RIMS2: variants seen among roughly 807,000 people sequenced by gnomAD.
RIMS2 encodes regulating synaptic membrane exocytosis protein 2.
Under a neutral mutation model 174.4 loss-of-function variants are expected in RIMS2, and 59 were observed. The observed-to-expected ratio is 0.34, with a 90% CI of 0.27 to 0.42. RIMS2 has a LOEUF of 0.42. Ranked by LOEUF, RIMS2 falls within the 10% of genes least tolerant of loss-of-function variation. RIMS2 has a pLI of 1.00. For synonymous variants in RIMS2, 606 were observed against 572.5 expected, an observed-to-expected ratio of 1.06 and a Z score of -0.84; for missense variants, 1,620 against 1,666.3, an observed-to-expected ratio of 0.97 and a Z score of 0.48.
At chr8:103,920,896 G>A (rs1429797865) in intron 9 of RIMS2, 2 of 332,184 alleles carry the variant, frequency 6.0e-6, no homozygotes, top group Non-Finnish European at 5.8e-6. Context: ...CTACTTGGGA[G>A]GCTGAGGCAG....
intron 9 of RIMS2, chr8:103,918,718 G>A: frequency 2.1e-6 from 1 of 479,608 alleles, no homozygotes; most frequent in Non-Finnish European, 3.8e-6. Flanking sequence ...TTTTTAGATA[G>A]CATTATTAAG....
intron 2 of RIMS2, among the ~76,000 whole-genome samples, chr8:103,761,661 G>C (rs2098114399): frequency 6.6e-6 from 1 of 152,198 alleles, no homozygotes; most frequent in Non-Finnish European, 1.5e-5. Flanking sequence ...GGAAAATGTA[G>C]TTTTCTAAGA....
intron 2 of RIMS2, among the ~76,000 whole-genome samples, chr8:103,710,318 C>T (rs2097288637): frequency 6.6e-6 from 1 of 152,070 alleles, no homozygotes; most frequent in South Asian, 2.1e-4. Context: ...TTTTGAGGCT[C>T]TTTCATGTGG....
intron 2 of RIMS2, among the ~76,000 whole-genome samples, chr8:103,701,344 TAAC>T (rs745394376): frequency 3.1e-4 from 47 of 152,258 alleles, no homozygotes; most frequent in African/African-American, 9.1e-4. Context: ...GTGATAATGA[TAAC>T]AACTGTACAA....
At chr8:103,955,798 G>C (rs981269880) in intron 14 of RIMS2, among the ~76,000 whole-genome samples, 3 of 152,100 alleles carry the variant, frequency 2.0e-5, no homozygotes, top group Admixed American at 6.6e-5. Context: ...GTAGGAAAAA[G>C]AGAAGTCAGA....
intron 19 of RIMS2, among the ~76,000 whole-genome samples, chr8:104,045,662 G>A (rs1164569478): frequency 2.6e-5 from 4 of 151,588 alleles, no homozygotes; most frequent in African/African-American, 7.3e-5. Flanking sequence ...TTTCTCACCA[G>A]TCTCTTAGAT....
chr8:103,537,143 C>T (rs137966437), intron 1 of RIMS2, among the ~76,000 whole-genome samples: 164 of 152,172 alleles, frequency 1.1e-3, no homozygotes, highest in African/African-American at 3.8e-3. Flanking sequence ...ACTTATTTTG[C>T]GTGTGTGTGA....
chr8:103,782,631 G>A (rs1344409775), intron 3 of RIMS2, among the ~76,000 whole-genome samples: 3 of 151,984 alleles, frequency 2.0e-5, no homozygotes, highest in Admixed American at 2.0e-4. Context: ...AGGTATTAGG[G>A]TTTTAGTTTC....
chr8:103,642,544 C>A (rs34840668), intron 1 of RIMS2, among the ~76,000 whole-genome samples: 27,691 of 151,900 alleles, frequency 0.18, 2,774 homozygotes, highest in African/African-American at 0.26. Context: ...GAATTTCTGA[C>A]CTATGTAATT....
intron 19 of RIMS2, among the ~76,000 whole-genome samples, chr8:104,210,521 G>A (rs571072711): frequency 6.6e-6 from 1 of 152,130 alleles, no homozygotes; most frequent in Non-Finnish European, 1.5e-5. Flanking sequence ...CTTTTAAATT[G>A]AAAAAGGTAT....
chr8:104,148,448 G>C (rs914419949), intron 19 of RIMS2, among the ~76,000 whole-genome samples, 159 bp from the exon 25 acceptor site: 1 of 152,004 alleles, frequency 6.6e-6, no homozygotes, highest in Admixed American at 6.6e-5. Flanking sequence ...GAGTAACAAA[G>C]CACAATCAAG....
intron 4 of RIMS2, among the ~76,000 whole-genome samples, chr8:103,888,062 C>T (rs1275451187): frequency 1.3e-5 from 2 of 151,416 alleles, no homozygotes; most frequent in Non-Finnish European, 3.0e-5. Flanking sequence ...TGAGGGAGAA[C>T]TCACTTGACC....
chr8:103,879,175 G>A (rs2099155923), intron 3 of RIMS2, among the ~76,000 whole-genome samples: 1 of 151,320 alleles, frequency 6.6e-6, no homozygotes, highest in African/African-American at 2.4e-5. Context: ...AGCACTAGTG[G>A]TATTAAAGGT....
chr8:103,756,437 T>C (rs947194381), intron 2 of RIMS2, among the ~76,000 whole-genome samples: 1 of 87,126 alleles, frequency 1.1e-5, no homozygotes, highest in South Asian at 2.7e-4. Flanking sequence ...CTTTTCTTTC[T>C]TTTTTTTTTT....
chr8:104,007,753 A>T (rs1377575624), intron 17 of RIMS2, among the ~76,000 whole-genome samples: 1 of 152,102 alleles, frequency 6.6e-6, no homozygotes, highest in Non-Finnish European at 1.5e-5. Flanking sequence ...GAATGTTGAG[A>T]TCATATGATC....
At chr8:104,134,082 G>A (rs2098497557) in intron 19 of RIMS2, among the ~76,000 whole-genome samples, 1 of 151,950 alleles carries the variant, frequency 6.6e-6, no homozygotes, top group East Asian at 1.9e-4. Context: ...CATATGAGGA[G>A]ACCTCAAAAA....
chr8:103,785,404 GT>G (rs2098434517), intron 3 of RIMS2, among the ~76,000 whole-genome samples: 1 of 151,228 alleles, frequency 6.6e-6, no homozygotes, highest in Non-Finnish European at 1.5e-5. Context: ...TTGGCTGTGG[GT>G]TTGTCATAGA....
intron 1 of RIMS2, among the ~76,000 whole-genome samples, chr8:103,548,178 C>T (rs1374637604): frequency 6.6e-6 from 1 of 152,148 alleles, no homozygotes; most frequent in Non-Finnish European, 1.5e-5. Flanking sequence ...CAGTGTCATC[C>T]TGATACCAAA....
At chr8:104,222,200 C>T (rs1310652520) in intron 19 of RIMS2, among the ~76,000 whole-genome samples, 3 of 152,176 alleles carry the variant, frequency 2.0e-5, no homozygotes, top group Non-Finnish European at 1.5e-5. Context: ...TGTCGTGTCT[C>T]TCCCCTGCAA....
Sources: allele counts gnomAD v4.1 joint callset (sites outside exome capture counted in the v4.1 genomes callset), GRCh38; gene constraint gnomAD v4.1.1; transcripts MANE v1.5; gene names NCBI Gene and HGNC (gene_info 2026-07-23, HGNC 2026-07-21).